Variants in DCAF10 observed in about 807,000 individuals in gnomAD.
DCAF10 encodes DDB1- and CUL4-associated factor 10.
Under a neutral mutation model 51.9 loss-of-function variants are expected in DCAF10, and 19 were observed. That is an observed-to-expected ratio of 0.37 (90% CI 0.26 to 0.54). DCAF10 has a LOEUF of 0.54. DCAF10 is among the 20% of genes least tolerant of loss of function. The pLI is 0.87. For missense variants in DCAF10, 510 were observed against 730.6 expected, an observed-to-expected ratio of 0.70 and a Z score of 3.48; for synonymous variants, 291 against 297.1, an observed-to-expected ratio of 0.98 and a Z score of 0.21.
intron 2 of DCAF10, among the ~76,000 whole-genome samples, chr9:37,837,836 C>T (rs1239028456): frequency 6.8e-6 from 1 of 146,690 alleles, no homozygotes; most frequent in African/African-American, 2.6e-5. Context: ...ATACATACTG[C>T]TTGTGTGTCA....
intron 2 of DCAF10, among the ~76,000 whole-genome samples, chr9:37,838,830 G>T (rs938971103): frequency 6.6e-6 from 1 of 151,358 alleles, no homozygotes; most frequent in Non-Finnish European, 1.5e-5. Flanking sequence ...GGTAGAGGTT[G>T]CAGTGAGCAC....
chr9:37,861,169 A>G lies in DCAF10; in HGVS notation c.1341A>G (p.Gly447=). The G allele has an allele frequency of 1.2e-6, 2 of 1,603,218 alleles. No individual in the cohort carries two copies. The highest frequency in any genetic ancestry group is 1.7e-6 in the Non-Finnish European group (2 of 1,170,676). Residue 447 remains glycine, a synonymous_variant, in exon 7 of 7, where the codon GGA becomes GGG. Coordinates refer to ENST00000377724, the MANE Select transcript of DCAF10 (RefSeq NM_024345.5). The surrounding 1 kb of genome is among the most constrained non-coding windows in gnomAD (Gnocchi z 4.9). Reference sequence around the variant, plus strand: ...CTTGTGTCTATGAATTCCAAGAAGGAGCTCCAGTGCGACCTGTCTCACCTC... The same window carrying G: ...CTTGTGTCTATGAATTCCAAGAAGGGGCTCCAGTGCGACCTGTCTCACCTC... ...ECTCVYEFQE[G]APVRPVSPRC... is the part of the protein sequence containing the mutation.
chr9:37,860,250 G>T, intron 6 of DCAF10, 57 bp downstream of exon 6: 2 of 1,607,576 alleles, frequency 1.2e-6, no homozygotes, highest in Non-Finnish European at 1.7e-6. Flanking sequence ...TGCCATTGCC[G>T]TGTGTGCAGA....
intron 1 of DCAF10, among the ~76,000 whole-genome samples, chr9:37,804,289 T>C (rs996186299): frequency 1.6e-5 from 2 of 127,672 alleles, no homozygotes; most frequent in African/African-American, 5.8e-5. Context: ...GCTAACTATA[T>C]GGTACGCTTA....
rs1487573620 is a variant in DCAF10 at position 37,865,184 on chromosome 9, G to A, written c.*3676G>A. 6.6e-6 allele frequency: 1 copy of A among 151,584 alleles called. No homozygotes were observed. Among genetic ancestry groups the A allele is most frequent in the Non-Finnish European group, 1.5e-5 (1 of 67,976 alleles). 9.4% of individuals were successfully genotyped at this position (151,584 alleles called of 1,614,324 possible). A position where few individuals can be genotyped will look rare whatever the true frequency, so the allele number is the denominator to read the frequency against. On this transcript the variant is annotated 3_prime_UTR_variant, in exon 7 of 7. Transcript: ENST00000377724. Reference sequence around the variant, plus strand: ...ATCATAAACTCAGGGCACACATTCTGGCCATTCCTGACTAAAAAACTTCAA... The same window carrying A: ...ATCATAAACTCAGGGCACACATTCTAGCCATTCCTGACTAAAAAACTTCAA...
upstream of DCAF10, chr9:37,800,796 C>A: frequency 6.6e-7 from 1 of 1,512,560 alleles, no homozygotes; most frequent in South Asian, 1.3e-5. Flanking sequence ...CCGGAAGTGG[C>A]AGCTGAACAG....
intron 1 of DCAF10, among the ~76,000 whole-genome samples, chr9:37,815,715 C>A (rs1362490023): frequency 6.6e-6 from 1 of 150,994 alleles, no homozygotes; most frequent in Non-Finnish European, 1.5e-5. Context: ...CCAAAAACCC[C>A]AAATAATAGA....
intron 1 of DCAF10, among the ~76,000 whole-genome samples, chr9:37,808,085 G>C (rs1829177289): frequency 6.6e-6 from 1 of 152,104 alleles, no homozygotes; most frequent in African/African-American, 2.4e-5. Context: ...AGTTTCAAAA[G>C]ATTGGTATCA....
intron 1 of DCAF10, among the ~76,000 whole-genome samples, chr9:37,802,541 A>C (rs182212092): frequency 3.9e-5 from 6 of 152,304 alleles, no homozygotes; most frequent in Non-Finnish European, 8.8e-5. Context: ...ATGTTACAGG[A>C]GGTGAAAAAA....
At position 37,865,505 on chromosome 9, in the gene DCAF10, A is replaced by G. The variant is rs914573666; in HGVS notation, c.*3997A>G. The G allele has an allele frequency of 3.3e-5, 5 of 152,214 alleles. No individual in the cohort carries two copies. Among genetic ancestry groups the G allele is most frequent in the Non-Finnish European group, 7.4e-5 (5 of 68,026 alleles). 9.4% of individuals were successfully genotyped at this position (152,214 alleles called of 1,614,324 possible). A position where few individuals can be genotyped will look rare whatever the true frequency, so the allele number is the denominator to read the frequency against. On this transcript the variant is annotated 3_prime_UTR_variant, in exon 7 of 7. Coordinates refer to ENST00000377724, the MANE Select transcript of DCAF10 (RefSeq NM_024345.5). ...TTTTTTACTCTGAATTTTATTCAGT[A>G]ATTTTTATTCATAATTCATGATAAT...
chr9:37,849,709 C>T (rs922186415), intron 3 of DCAF10, among the ~76,000 whole-genome samples: 1 of 152,058 alleles, frequency 6.6e-6, no homozygotes, highest in Non-Finnish European at 1.5e-5. Flanking sequence ...AGTGAAACCC[C>T]GTGTCTACTA....
rs1444259054 is a variant in DCAF10 at position 37,854,540 on chromosome 9, A to C, written c.852-240A>C. 3.9e-5 allele frequency among the ~76,000 whole-genome samples: 6 copies of C among 152,214 alleles called. No individual in the cohort carries two copies. The South Asian group carries it at 6.2e-4, about 16-fold the overall frequency. ...CTTATCATTCCTTTGTGGTAAGGAC[A>C]TGTAACAGTCGCTCTTCTAGCTATT... On this transcript the variant is annotated intron_variant, in intron 3 of 6. Transcript: ENST00000377724.
At chr9:37,809,820 G>A (rs566814559) in intron 1 of DCAF10, among the ~76,000 whole-genome samples, 19 of 150,194 alleles carry the variant, frequency 1.3e-4, no homozygotes, top group African/African-American at 4.4e-4. Context: ...GCAAAAGAGC[G>A]AAACTCTGTC....
intron 2 of DCAF10, among the ~76,000 whole-genome samples, chr9:37,830,210 G>A (rs1829968069): frequency 6.6e-6 from 1 of 152,142 alleles, no homozygotes; most frequent in Non-Finnish European, 1.5e-5. Context: ...AAAAGCATCA[G>A]CATCTGATAC....
At chr9:37,841,993 C>G in intron 2 of DCAF10, 96 bp from the exon 3 acceptor site, 1 of 1,177,878 alleles carries the variant, frequency 8.5e-7, no homozygotes, top group East Asian at 2.5e-5. Flanking sequence ...TTTTTTCTTT[C>G]TTTCTTGACT....
intron 2 of DCAF10, among the ~76,000 whole-genome samples, chr9:37,826,480 T>C (rs1829854195): frequency 6.6e-6 from 1 of 152,206 alleles, no homozygotes; most frequent in Non-Finnish European, 1.5e-5. Flanking sequence ...CTACTAATGC[T>C]ATGACCCAGC....
chr9:37,830,838 A>G (rs774070918), intron 2 of DCAF10, among the ~76,000 whole-genome samples: 1 of 152,252 alleles, frequency 6.6e-6, no homozygotes. Flanking sequence ...TATGCCTGCC[A>G]TAGCAACTCA....
chr9:37,854,797 G>C lies in DCAF10; in HGVS notation c.869G>C (p.Cys290Ser). The C allele has an allele frequency of 6.2e-7, 1 of 1,613,932 alleles. No individual in the cohort carries two copies. The highest frequency in any genetic ancestry group is 8.5e-7 in the Non-Finnish European group (1 of 1,179,948). Residue 290 changes from cysteine (C) to serine (S), a missense_variant, in exon 4 of 7, where the codon TGT becomes TCT. Physicochemically the swap from Cys to Ser is moderately radical, Grantham distance 112 (BLOSUM62 -1). Transcript: ENST00000377724. ...TCCTGTAGGTATACAGAAGATGGGT[G>C]TCCACATAAGAAATTCTTTCACACA... ...WDTNRYTEDG[C>S]PHKKFFHTRF...
chr9:37,820,558 A>G (rs1378123674), intron 2 of DCAF10, among the ~76,000 whole-genome samples: 1 of 152,206 alleles, frequency 6.6e-6, no homozygotes, highest in Non-Finnish European at 1.5e-5. Context: ...ACACAGCCTC[A>G]TCAATAGCTA....
Sources: gnomAD v4.1 joint callset for allele counts (sites outside exome capture counted in the v4.1 genomes callset) on GRCh38, gnomAD v4.1.1 for gene constraint, Gnocchi (gnomAD v3.1) non-coding constraint, MANE v1.5 for transcripts, NCBI Gene and HGNC (gene_info 2026-07-23, HGNC 2026-07-21) for gene names.